CAST: variants seen among roughly 807,000 people sequenced by gnomAD.
The protein encoded by CAST is calpastatin.
Under a neutral mutation model 119.6 loss-of-function variants are expected in CAST, and 76 were observed. That is an observed-to-expected ratio of 0.64 (90% CI 0.53 to 0.77). The LOEUF is 0.77. Among genes scored for constraint, CAST ranks in the 30% least tolerant of loss-of-function variants. The pLI is 0.00. For synonymous variants in CAST, 319 were observed against 331.6 expected, an observed-to-expected ratio of 0.96 and a Z score of 0.41; for missense variants, 953 against 946.5, an observed-to-expected ratio of 1.01 and a Z score of -0.09.
the CAST span, chr5:96,423,331 C>A: frequency 4.3e-6 from 7 of 1,610,996 alleles, no homozygotes; most frequent in East Asian, 1.3e-4. Context: ...CATAAATGTC[C>A]GTGTGATTCC....
chr5:96,126,379 C>G, the CAST span, among the ~76,000 whole-genome samples: 1 of 152,010 alleles, frequency 6.6e-6, no homozygotes, highest in Non-Finnish European at 1.5e-5. Context: ...TTGAATAACT[C>G]TTGGGAAAAA....
At chr5:96,641,711 C>A (rs553117223) in intron 1 of CAST, among the ~76,000 whole-genome samples, 2 of 152,274 alleles carry the variant, frequency 1.3e-5, no homozygotes, top group East Asian at 3.9e-4. Context: ...TTTACCCTCT[C>A]CTGCACTATC....
At chr5:96,067,806 G>A in the CAST span, among the ~76,000 whole-genome samples, 42 of 152,006 alleles carry the variant, frequency 2.8e-4, no homozygotes, top group Middle Eastern at 3.4e-3. Context: ...TTAACAGCCT[G>A]CCATTTTGCA....
At chr5:96,439,854 G>A in the CAST span, among the ~76,000 whole-genome samples, 1 of 152,146 alleles carries the variant, frequency 6.6e-6, no homozygotes, top group Non-Finnish European at 1.5e-5. Context: ...ACAAGTAGAG[G>A]AAAGAAGACC....
the CAST span, among the ~76,000 whole-genome samples, chr5:96,034,498 CACACACACAT>C: frequency 7.9e-6 from 1 of 126,748 alleles, no homozygotes; most frequent in Non-Finnish European, 1.7e-5. Flanking sequence ...CACACACACA[CACACACACAT>C]ATGTGTGTGT....
chr5:96,587,067 T>C (rs1580835949), intron 1 of CAST, among the ~76,000 whole-genome samples: 1 of 152,244 alleles, frequency 6.6e-6, no homozygotes, highest in East Asian at 1.9e-4. Flanking sequence ...CTGCCTCAGC[T>C]ATTATTGAAC....
the CAST span, among the ~76,000 whole-genome samples, chr5:96,332,700 G>C: frequency 2.0e-5 from 3 of 152,238 alleles, no homozygotes; most frequent in East Asian, 5.8e-4. Flanking sequence ...GGAGGATAAT[G>C]AAGAAAACTG....
the CAST span, among the ~76,000 whole-genome samples, chr5:96,249,463 A>G: frequency 4.2e-4 from 64 of 152,340 alleles, no homozygotes; most frequent in African/African-American, 1.4e-3. Flanking sequence ...TTGCAAAGTT[A>G]TAGATATTCA....
chr5:96,644,535 T>C (rs1314742988), intron 1 of CAST, among the ~76,000 whole-genome samples: 1 of 152,246 alleles, frequency 6.6e-6, no homozygotes, highest in Non-Finnish European at 1.5e-5. Context: ...TTTGGAGTAA[T>C]TTTAGACTGA....
chr5:96,577,724 A>G (rs753376578), intron 1 of CAST, among the ~76,000 whole-genome samples: 1 of 152,020 alleles, frequency 6.6e-6, no homozygotes, highest in Non-Finnish European at 1.5e-5. Flanking sequence ...GTTTGATTCT[A>G]TTATCAACAT....
the CAST span, among the ~76,000 whole-genome samples, chr5:96,027,239 G>C: frequency 6.6e-6 from 1 of 151,960 alleles, no homozygotes; most frequent in Non-Finnish European, 1.5e-5. Flanking sequence ...TATGCTTAAA[G>C]TGTGGTATCA....
chr5:96,577,375 T>G (rs1746691338), intron 1 of CAST, among the ~76,000 whole-genome samples: 1 of 152,140 alleles, frequency 6.6e-6, no homozygotes, highest in African/African-American at 2.4e-5. Context: ...TGCTTTAAAT[T>G]TTATTTAATT....
At chr5:96,763,531 CTT>C (rs1047262911) in intron 25 of CAST, among the ~76,000 whole-genome samples, 1 of 152,180 alleles carries the variant, frequency 6.6e-6, no homozygotes, top group East Asian at 1.9e-4. Flanking sequence ...CAATCAAAAA[CTT>C]TTTTGCCTTT....
At chr5:96,656,882 A>G (rs1407962322) in intron 1 of CAST, among the ~76,000 whole-genome samples, 1 of 152,218 alleles carries the variant, frequency 6.6e-6, no homozygotes, top group African/African-American at 2.4e-5. Flanking sequence ...AAAGGAATCA[A>G]GATTCTGCAT....
the CAST span, among the ~76,000 whole-genome samples, chr5:96,092,781 C>A: frequency 6.6e-6 from 1 of 152,156 alleles, no homozygotes; most frequent in South Asian, 2.1e-4. Context: ...ATGATCAAAC[C>A]AGGCTCTAAT....
At chr5:96,707,024 C>T (rs113494755) in intron 3 of CAST, among the ~76,000 whole-genome samples, 16 of 152,172 alleles carry the variant, frequency 1.1e-4, no homozygotes, top group African/African-American at 3.6e-4. Context: ...CCACTCAACC[C>T]GAGGTGCAAA....
At chr5:95,965,363 G>A in the CAST span, 1 of 152,188 alleles carries the variant, frequency 6.6e-6, no homozygotes. Context: ...GCCAAAGTTA[G>A]CCCACAGGTT....
At chr5:96,468,756 T>C in the CAST span, among the ~76,000 whole-genome samples, 1 of 152,042 alleles carries the variant, frequency 6.6e-6, no homozygotes, top group Admixed American at 6.6e-5. Flanking sequence ...TGTTTGTGCA[T>C]TCAGTGGCTC....
the CAST span, among the ~76,000 whole-genome samples, chr5:96,300,906 C>A: frequency 7.4e-6 from 1 of 134,926 alleles, no homozygotes; most frequent in Non-Finnish European, 1.5e-5. Flanking sequence ...TTGGAAAGTT[C>A]ACGTTAATAT....
Sources: allele counts gnomAD v4.1 joint callset (sites outside exome capture counted in the v4.1 genomes callset), GRCh38; gene constraint gnomAD v4.1.1; transcripts MANE v1.5; gene names NCBI Gene and HGNC (gene_info 2026-07-23, HGNC 2026-07-21).